TMEM183A: variants seen among roughly 807,000 people sequenced by gnomAD.
The protein encoded by TMEM183A is chromosome 1 open reading frame 37.
TMEM183A carries 21 observed loss-of-function variants against 46.7 expected under a neutral mutation model. The ratio of observed to expected loss-of-function variants is 0.45; its 90% CI spans 0.32 to 0.65. The LOEUF (loss-of-function observed/expected upper bound fraction) is 0.65, where lower values mean the gene tolerates loss of function less well. Among genes scored for constraint, TMEM183A ranks in the 30% least tolerant of loss-of-function variants. The pLI, the probability that TMEM183A is intolerant of heterozygous loss-of-function variation, is 0.04. For synonymous variants in TMEM183A, 165 were observed against 180.2 expected, an observed-to-expected ratio of 0.92 and a Z score of 0.68; for missense variants, 331 against 481.9, an observed-to-expected ratio of 0.69 and a Z score of 2.93.
Position 203,023,986 on chromosome 1 carries a change from T to C in TMEM183A, c.*946T>C, listed in dbSNP as rs1052932620. On this transcript the variant is annotated 3_prime_UTR_variant, in exon 8 of 8. Transcript: ENST00000367242. ...TAATCAGCCAAAAAAGTTTAGAAGA[T>C]TGATGAAATGATCTTTTAAATATGT... 6.6e-6 allele frequency: 1 copy of C among 152,236 alleles called. No individual in the cohort carries two copies. The highest frequency in any genetic ancestry group is 1.5e-5 in the Non-Finnish European group (1 of 68,040). 9.4% of individuals were successfully genotyped at this position (152,236 alleles called of 1,614,324 possible). A position where few individuals can be genotyped will look rare whatever the true frequency, so the allele number is the denominator to read the frequency against.
rs1285000632 is a variant in TMEM183A at position 203,013,418 on chromosome 1, TGAGAA to T, written c.368-1469_368-1465del. Among the ~76,000 whole-genome samples, 1 of 152,188 alleles carries T rather than the reference TGAGAA, an allele frequency of 6.6e-6. No homozygotes were observed. The highest frequency in any genetic ancestry group is 1.5e-5 in the Non-Finnish European group (1 of 68,038). ...ACAAAGCATGTGTATTACCTGAACC[TGAGAA>T]GTATAGTGGACATCAAGGTCAAGAG... On this transcript the variant is annotated intron_variant, in intron 3 of 7. Coordinates refer to ENST00000367242, the MANE Select transcript of TMEM183A (RefSeq NM_138391.6). The surrounding 1 kb of genome is among the most constrained non-coding windows in gnomAD (Gnocchi z 4.0).
At chr1:203,009,954 T>G (rs1656396174) in intron 3 of TMEM183A, among the ~76,000 whole-genome samples, 1 of 152,012 alleles carries the variant, frequency 6.6e-6, no homozygotes, top group South Asian at 2.1e-4. Flanking sequence ...GCCATTATGG[T>G]GAAACCCTGT....
At chr1:203,008,545 T>C (rs969393474) in intron 2 of TMEM183A, 98 bp from the exon 3 acceptor site, 14 of 1,097,442 alleles carry the variant, frequency 1.3e-5, no homozygotes, top group East Asian at 1.2e-4. Context: ...ATGTTTTTTT[T>C]CCCCCCTTTC....
Position 203,023,875 on chromosome 1 carries a change from T to C in TMEM183A, c.*835T>C, listed in dbSNP as rs1657945045. 6.6e-6 allele frequency: 1 copy of C among 152,144 alleles called. No individual in the cohort carries two copies. Among genetic ancestry groups the C allele is most frequent in the African/African-American group, 2.4e-5 (1 of 41,424 alleles). The allele number at this position is 152,144 out of a possible 1,614,324, so 9.4% of individuals were successfully genotyped here. A position where few individuals can be genotyped will look rare whatever the true frequency, so the allele number is the denominator to read the frequency against. ...TGAGTCTCATTTTTCTTGTGGTAGA[T>C]GGTGGTAAAAAGGAGTAGGCAGAGT... On this transcript the variant is annotated 3_prime_UTR_variant, in exon 8 of 8. Transcript: ENST00000367242.
intron 3 of TMEM183A, among the ~76,000 whole-genome samples, chr1:203,012,004 C>G (rs559206212): frequency 5.9e-4 from 90 of 151,402 alleles, no homozygotes; most frequent in Non-Finnish European, 1.9e-4. Context: ...GATTATAACT[C>G]CATATAACTA....
intron 3 of TMEM183A, 128 bp downstream of exon 3, chr1:203,008,938 C>A: frequency 2.0e-6 from 2 of 1,007,938 alleles, no homozygotes; most frequent in Non-Finnish European, 1.3e-6. Flanking sequence ...AAACTTGGCT[C>A]TCCCTAAGAA....
In TMEM183A at chr1:203,022,987, G is replaced by T. The variant is rs751854941; in HGVS notation, c.1078G>T (p.Val360Phe). The change falls in exon 8 of 8, where the codon GTT (valine) becomes TTT (phenylalanine). Residue 360 changes from valine to phenylalanine, a missense_variant. This residue lies in a region of TMEM183A where 233 missense variants were observed against 385.8 expected (regional missense o/e 0.60). Coordinates refer to ENST00000367242, the MANE Select transcript of TMEM183A (RefSeq NM_138391.6). ...VQVILDPVHS[V>F]RLFDWWHPQY... ...AGTCATCCTGGACCCAGTGCACAGC[G>T]TTCGGCTCTTTGACTGGTGGCATCC... 1 of 1,597,978 alleles carries T rather than the reference G, an allele frequency of 6.3e-7. No individual in the cohort carries two copies. The highest frequency in any genetic ancestry group is 8.6e-7 in the Non-Finnish European group (1 of 1,167,934).
In TMEM183A at chr1:203,024,315, T is replaced by G. The variant is rs1657984199; in HGVS notation, c.*1275T>G. The G allele has an allele frequency of 6.6e-6, 1 of 152,210 alleles. No individual in the cohort carries two copies. Among genetic ancestry groups the G allele is most frequent in the Non-Finnish European group, 1.5e-5 (1 of 68,038 alleles). 9.4% of individuals were successfully genotyped at this position (152,210 alleles called of 1,614,324 possible). ...GTACTCTGAGAAGAGAATCACGTTTTTCTGTTTTGCTAAGGAGAAAACCTT... is the reference window on the plus strand; with the variant it reads ...GTACTCTGAGAAGAGAATCACGTTTGTCTGTTTTGCTAAGGAGAAAACCTT... On this transcript the variant is annotated 3_prime_UTR_variant, in exon 8 of 8. Transcript: ENST00000367242.
chr1:203,016,159 T>A lies in TMEM183A; in HGVS notation c.708+19T>A, dbSNP rs1474197248. The A allele has an allele frequency of 1.2e-6, 2 of 1,614,048 alleles. No individual in the cohort carries two copies. Among genetic ancestry groups the A allele is most frequent in the African/African-American group, 1.3e-5 (1 of 75,056 alleles). ...TTCCAAAGTAAGTGAGAATTTGTGT[T>A]GGGGTTTGACTAATGAACTCTTGTA... On this transcript the variant is annotated intron_variant, in intron 5 of 7. Coordinates refer to ENST00000367242, the MANE Select transcript of TMEM183A (RefSeq NM_138391.6).
At position 203,013,515 on chromosome 1, in the gene TMEM183A, C is replaced by CTT. The variant is rs1007956994; in HGVS notation, c.368-1361_368-1360dup. Among the ~76,000 whole-genome samples, 1 of 143,746 alleles carries CTT rather than the reference C, an allele frequency of 7.0e-6. No individual in the cohort carries two copies. 94.3% of individuals were successfully genotyped at this position (143,746 alleles called of 152,430 possible). On this transcript the variant is annotated intron_variant, in intron 3 of 7. Coordinates refer to ENST00000367242, the MANE Select transcript of TMEM183A (RefSeq NM_138391.6). The surrounding 1 kb of genome is among the most constrained non-coding windows in gnomAD (Gnocchi z 4.0). Reference sequence around the variant, plus strand: ...TCTGAAGAAGGAAGAGATAGGGACACTTTTTTTTTTTTTTGAGATAGAGTT... The same window carrying CTT: ...TCTGAAGAAGGAAGAGATAGGGACACTTTTTTTTTTTTTTTTGAGATAGAGTT...
chr1:203,008,512 A>C, intron 2 of TMEM183A, 131 bp from the exon 3 acceptor site: 2 of 591,168 alleles, frequency 3.4e-6, no homozygotes, highest in African/African-American at 2.4e-5. Flanking sequence ...TTGGTGACAG[A>C]TTCTCACCTT....
intron 3 of TMEM183A, among the ~76,000 whole-genome samples, chr1:203,010,999 G>A (rs1309207458): frequency 6.6e-6 from 1 of 152,126 alleles, no homozygotes; most frequent in Non-Finnish European, 1.5e-5. Context: ...TGTTTTCAAG[G>A]TTCATCCATA....
Position 203,022,559 on chromosome 1 carries a change from C to T in TMEM183A, c.946-296C>T, listed in dbSNP as rs540440574. Among the ~76,000 whole-genome samples, 15 of 151,902 alleles carry T rather than the reference C, an allele frequency of 9.9e-5. No homozygotes were observed. The South Asian group carries it at 2.7e-3, about 27-fold the overall frequency. On this transcript the variant is annotated intron_variant, in intron 7 of 7. Transcript: ENST00000367242. Reference sequence around the variant, plus strand: ...CTCTACTAAAAATACAAAAATTAGCCGGTCATGGTGGTGCACGCCTATATT... The same window carrying T: ...CTCTACTAAAAATACAAAAATTAGCTGGTCATGGTGGTGCACGCCTATATT...
chr1:203,008,606 C>T, intron 2 of TMEM183A, 37 bp from the exon 3 acceptor site: 1 of 1,447,528 alleles, frequency 6.9e-7, no homozygotes, highest in Non-Finnish European at 9.2e-7. Flanking sequence ...CTGGGTGGAG[C>T]TGTGTGCCAT....
At chr1:203,009,403 G>A (rs1230067115) in intron 3 of TMEM183A, among the ~76,000 whole-genome samples, 16 of 152,224 alleles carry the variant, frequency 1.1e-4, no homozygotes, top group Non-Finnish European at 2.1e-4. Flanking sequence ...ATAATATAAC[G>A]TGCCAAACCA....
chr1:203,017,964 A>G (rs1657323244), intron 5 of TMEM183A: 2 of 984,758 alleles, frequency 2.0e-6, no homozygotes, highest in African/African-American at 3.5e-5. Context: ...CCTGACTTTC[A>G]CTGAGGGGCT....
intron 7 of TMEM183A, 132 bp from the exon 8 acceptor site, chr1:203,022,720 GTGT>G: frequency 8.1e-7 from 1 of 1,238,358 alleles, no homozygotes; most frequent in East Asian, 2.4e-5. Flanking sequence ...AAAAAAAAAG[GTGT>G]TTGTTTTATA....
chr1:203,016,156 T>C lies in TMEM183A; in HGVS notation c.708+16T>C. ...GAATTCCAAAGTAAGTGAGAATTTG[T>C]GTTGGGGTTTGACTAATGAACTCTT... On this transcript the variant is annotated intron_variant, in intron 5 of 7. Coordinates refer to ENST00000367242, the MANE Select transcript of TMEM183A (RefSeq NM_138391.6). The C allele has an allele frequency of 2.5e-6, 4 of 1,614,024 alleles. No individual in the cohort carries two copies. Among genetic ancestry groups the C allele is most frequent in the Non-Finnish European group, 3.4e-6 (4 of 1,179,984 alleles).
Position 203,010,952 on chromosome 1 carries a change from A to G in TMEM183A, c.367+2142A>G, listed in dbSNP as rs1253484029. On this transcript the variant is annotated intron_variant, in intron 3 of 7. Coordinates refer to ENST00000367242, the MANE Select transcript of TMEM183A (RefSeq NM_138391.6). ...TCATGTAAATGGAATCATACAATAT[A>G]TAGTCTTTTGCATGTAGCTTCTTTC... Among the ~76,000 whole-genome samples the G allele has an allele frequency of 2.0e-5, 3 of 152,322 alleles. No homozygotes were observed. In the East Asian group the frequency reaches 5.8e-4, roughly 29 times the overall value.
Sources: allele counts gnomAD v4.1 joint callset (sites outside exome capture counted in the v4.1 genomes callset), GRCh38; gene constraint gnomAD v4.1.1; regional missense constraint gnomAD v4.1.1; non-coding constraint Gnocchi (gnomAD v3.1); transcripts MANE v1.5; gene names NCBI Gene and HGNC (gene_info 2026-07-23, HGNC 2026-07-21).